RBFOX1: variants seen among roughly 807,000 people sequenced by gnomAD.
RBFOX1 encodes the protein RNA binding protein fox-1 homolog 1.
In RBFOX1, 8 loss-of-function variants were observed where a neutral mutation model predicts 57.7. The observed-to-expected ratio is 0.14, with a 90% CI of 0.08 to 0.25. The LOEUF is 0.25. Among genes scored for constraint, RBFOX1 ranks in the 10% least tolerant of loss-of-function variants. The pLI, the probability that RBFOX1 is intolerant of heterozygous loss-of-function variation, is 1.00. For synonymous variants in RBFOX1, 326 were observed against 222.4 expected (o/e 1.47, Z -4.15); for missense variants, 611 against 548.5 (o/e 1.11, Z -1.14).
intron 3 of RBFOX1, among the ~76,000 whole-genome samples, chr16:7,014,201 G>T (rs2093790489): frequency 6.6e-6 from 1 of 151,650 alleles, no homozygotes; most frequent in Non-Finnish European, 1.5e-5. Flanking sequence ...TCAAAATGAT[G>T]TGTAAACTGA....
chr16:5,964,133 G>C (rs1596309325), intron 4 of RBFOX1, among the ~76,000 whole-genome samples: 1 of 152,066 alleles, frequency 6.6e-6, no homozygotes, highest in African/African-American at 2.4e-5. Flanking sequence ...CACACAAATG[G>C]ACCACAGGTA....
chr16:5,619,934 C>T (rs568569698), intron 3 of RBFOX1, among the ~76,000 whole-genome samples: 10 of 151,332 alleles, frequency 6.6e-5, no homozygotes, highest in Admixed American at 4.0e-4. Flanking sequence ...TTTTACTGTG[C>T]TCTTTCTGTT....
chr16:5,779,797 G>A (rs1356785737), intron 3 of RBFOX1, among the ~76,000 whole-genome samples: 1 of 152,162 alleles, frequency 6.6e-6, no homozygotes, highest in East Asian at 1.9e-4. Context: ...GGCCACGACT[G>A]TCTTGTCTAA....
rs1333125336 is a variant in RBFOX1 at position 7,678,898 on chromosome 16, T to G, written c.995+2060T>G. ...TTGGTGAATCTTTAATAACTGCAAT[T>G]CCAACTTTAGTACCATAGTTTCAGT... is the stretch of plus-strand genomic sequence containing the variant. On this transcript the variant is annotated intron_variant, in intron 14 of 15. Transcript: ENST00000550418. 2.0e-5 allele frequency among the ~76,000 whole-genome samples: 3 copies of G among 152,204 alleles called. No individual in the cohort carries two copies. The East Asian group carries it at 5.8e-4, about 29-fold the overall frequency.
intron 3 of RBFOX1, among the ~76,000 whole-genome samples, chr16:6,919,169 G>A (rs1037694371): frequency 1.3e-5 from 2 of 151,940 alleles, no homozygotes; most frequent in African/African-American, 4.8e-5. Context: ...TTTTTTTGGA[G>A]ATGGGGTTTC....
At chr16:7,363,862 A>G (rs998957932) in intron 4 of RBFOX1, among the ~76,000 whole-genome samples, 1 of 151,976 alleles carries the variant, frequency 6.6e-6, no homozygotes, top group African/African-American at 2.4e-5. Flanking sequence ...AGGGGGAGGG[A>G]CGGGGCTGCT....
chr16:6,630,049 A>T (rs542738715), intron 2 of RBFOX1, among the ~76,000 whole-genome samples: 1 of 151,766 alleles, frequency 6.6e-6, no homozygotes, highest in Admixed American at 6.6e-5. Context: ...CTGCCTGAAA[A>T]ATCCTGTGGT....
intron 4 of RBFOX1, among the ~76,000 whole-genome samples, chr16:7,461,502 AG>A (rs1268998255): frequency 1.3e-5 from 2 of 152,208 alleles, no homozygotes; most frequent in African/African-American, 4.8e-5. Flanking sequence ...AGAATAATTG[AG>A]GATGAATGTA....
chr16:7,523,645 T>G (rs935943612), intron 5 of RBFOX1, among the ~76,000 whole-genome samples: 15 of 152,194 alleles, frequency 9.9e-5, no homozygotes, highest in Non-Finnish European at 4.4e-5. Flanking sequence ...CATTAGGGGC[T>G]GAAGCAGGTG....
chr16:6,089,601 A>G (rs1271372963), intron 1 of RBFOX1, among the ~76,000 whole-genome samples: 2 of 152,312 alleles, frequency 1.3e-5, no homozygotes, highest in East Asian at 1.9e-4. Context: ...GAATGCAAAT[A>G]TTGCTGGGGC....
Position 6,285,602 on chromosome 16 carries a change from G to C in RBFOX1, c.-126-31393G>C, listed in dbSNP as rs376429705. Among the ~76,000 whole-genome samples, 5 of 152,102 alleles carry C rather than the reference G, an allele frequency of 3.3e-5. No individual in the cohort carries two copies. In the East Asian group the frequency reaches 7.7e-4, roughly 23 times the overall value. On this transcript the variant is annotated intron_variant, in intron 1 of 15. Coordinates refer to ENST00000550418, the MANE Select transcript of RBFOX1 (RefSeq NM_018723.4). Reference sequence around the variant, plus strand: ...AGATGCATAATAGCTTCTGCTTTTTGTTCTGGTGAGAGGTTTGCTTTTTAG... The same window carrying C: ...AGATGCATAATAGCTTCTGCTTTTTCTTCTGGTGAGAGGTTTGCTTTTTAG...
chr16:7,081,044 A>C (rs577116776), intron 4 of RBFOX1, among the ~76,000 whole-genome samples: 11 of 151,928 alleles, frequency 7.2e-5, no homozygotes, highest in Admixed American at 4.6e-4. Context: ...GCTTTATTTT[A>C]CTTTTTTTGA....
intron 4 of RBFOX1, among the ~76,000 whole-genome samples, chr16:7,078,560 C>G (rs1159162728): frequency 6.6e-6 from 1 of 152,014 alleles, no homozygotes; most frequent in Non-Finnish European, 1.5e-5. Context: ...GTTGGCCAGG[C>G]TGGTCTCGAA....
At chr16:7,454,041 T>A (rs2057969654) in intron 4 of RBFOX1, among the ~76,000 whole-genome samples, 1 of 152,178 alleles carries the variant, frequency 6.6e-6, no homozygotes, top group African/African-American at 2.4e-5. Flanking sequence ...CAGACCAGCC[T>A]CACCAACATG....
At chr16:7,101,992 G>C (rs1037948626) in intron 4 of RBFOX1, among the ~76,000 whole-genome samples, 1 of 152,176 alleles carries the variant, frequency 6.6e-6, no homozygotes, top group African/African-American at 2.4e-5. Flanking sequence ...CCAGAGACAA[G>C]GGTGCCGTTT....
At chr16:5,866,631 C>A (rs1352947903) in intron 3 of RBFOX1, among the ~76,000 whole-genome samples, 1 of 152,188 alleles carries the variant, frequency 6.6e-6, no homozygotes, top group East Asian at 1.9e-4. Flanking sequence ...AGATAGGAGG[C>A]TGAACATCTA....
chr16:7,114,285 T>C (rs2065413341), intron 4 of RBFOX1, among the ~76,000 whole-genome samples: 1 of 152,182 alleles, frequency 6.6e-6, no homozygotes, highest in Non-Finnish European at 1.5e-5. Context: ...TTGGAGATTT[T>C]ATATTCAAAC....
Position 6,254,902 on chromosome 16 carries a change from C to CGGG in RBFOX1, c.-126-62093_-126-62092insGGG, listed in dbSNP as rs1273638751. Among the ~76,000 whole-genome samples the CGGG allele has an allele frequency of 3.3e-5, 5 of 152,182 alleles. No individual in the cohort carries two copies. In the East Asian group the frequency reaches 9.7e-4, roughly 29 times the overall value. ...TTTTTCTTGGCTTTCCCCCCATGCCCACCCCCACTGTCTACCGTTGACCCA... is the reference window on the plus strand; with the variant it reads ...TTTTTCTTGGCTTTCCCCCCATGCCCGGGACCCCCACTGTCTACCGTTGACCCA... On this transcript the variant is annotated intron_variant, in intron 1 of 15. Transcript: ENST00000550418.
chr16:7,046,555 G>A (rs1005173036), intron 3 of RBFOX1, among the ~76,000 whole-genome samples: 2 of 145,874 alleles, frequency 1.4e-5, no homozygotes, highest in South Asian at 2.2e-4. Context: ...AGATAATAAA[G>A]TTTATCACCA....
Sources: allele counts gnomAD v4.1 joint callset (sites outside exome capture counted in the v4.1 genomes callset), GRCh38; gene constraint gnomAD v4.1.1; transcripts MANE v1.5; gene names NCBI Gene and HGNC (gene_info 2026-07-23, HGNC 2026-07-21).